Variants in TUBGCP5 observed in about 807,000 individuals in gnomAD.
TUBGCP5 encodes the protein gamma-tubulin complex component 5.
Under a neutral mutation model 134.7 loss-of-function variants are expected in TUBGCP5, and 98 were observed. That is an observed-to-expected ratio of 0.73 (90% CI 0.62 to 0.86). The LOEUF (loss-of-function observed/expected upper bound fraction) is 0.86, where lower values mean the gene tolerates loss of function less well. TUBGCP5 is among the 40% of genes least tolerant of loss of function. TUBGCP5 has a pLI of 0.00. For synonymous variants in TUBGCP5, 456 were observed against 431.4 expected, an observed-to-expected ratio of 1.06 and a Z score of -0.71; for missense variants, 1,150 against 1,244.8, an observed-to-expected ratio of 0.92 and a Z score of 1.15.
At chr15:23,035,173 C>CAA (rs1464484613) in intron 3 of TUBGCP5, among the ~76,000 whole-genome samples, 1 of 151,366 alleles carries the variant, frequency 6.6e-6, no homozygotes, top group African/African-American at 2.4e-5. Context: ...ACTAAAAATA[C>CAA]AAAAAATTAG....
intron 3 of TUBGCP5, among the ~76,000 whole-genome samples, chr15:23,036,218 C>A (rs989573473): frequency 3.3e-5 from 5 of 152,116 alleles, no homozygotes; most frequent in Admixed American, 1.3e-4. Context: ...GACCCACCCC[C>A]AATAAAAATG....
chr15:23,015,856 A>ATT lies in TUBGCP5; in HGVS notation c.1756+1916_1756+1917insAA, dbSNP rs559461370. 3.6e-3 allele frequency among the ~76,000 whole-genome samples: 548 copies of ATT among 152,320 alleles called. 9 individuals are homozygous for ATT. Among genetic ancestry groups the ATT allele is most frequent in the Non-Finnish European group, 5.7e-3 (385 of 68,024 alleles). On this transcript the variant is annotated intron_variant, in intron 13 of 22. Transcript: ENST00000615383. ...AACCCACACTCCAAGACCCATTCAT[A>ATT]TGAATAACTCTTTACAAAACGTACT...
chr15:23,009,695 TAAC>T (rs1470686767), intron 15 of TUBGCP5, among the ~76,000 whole-genome samples: 1 of 152,218 alleles, frequency 6.6e-6, no homozygotes, highest in Non-Finnish European at 1.5e-5. Context: ...TTCATTCTGA[TAAC>T]AAACTTTGTA....
chr15:23,008,267 A>G (rs952810128), intron 16 of TUBGCP5, among the ~76,000 whole-genome samples: 1 of 151,454 alleles, frequency 6.6e-6, no homozygotes, highest in Non-Finnish European at 1.5e-5. Context: ...CCTCTGCCTC[A>G]ATTTTTTCTT....
intron 13 of TUBGCP5, among the ~76,000 whole-genome samples, chr15:23,016,971 T>TAG (rs1028731750): frequency 4.3e-5 from 6 of 138,522 alleles, no homozygotes; most frequent in African/African-American, 8.4e-5. Context: ...AATTGTGAGA[T>TAG]ATATATATAT....
rs545516684 is a variant in TUBGCP5, at chr15:22,988,578, CA to C, written c.*62-4968del. Among the ~76,000 whole-genome samples, 84 of 150,208 alleles carry C rather than the reference CA, an allele frequency of 5.6e-4. 1 individual carries two copies. The South Asian group carries it at 0.013, about 24-fold the overall frequency. On this transcript the variant is annotated intron_variant and NMD_transcript_variant, in intron 23 of 23. Transcript: ENST00000614508. ...GAAACCCCGTCTCTACTAGAAAATA[CA>C]AAAAAAATTAGCCGGGCGTGGTGGT...
In TUBGCP5 at chr15:23,029,840, T is replaced by G. The variant is rs1443645927; in HGVS notation, c.622+1045A>C. 2.0e-5 allele frequency among the ~76,000 whole-genome samples: 3 copies of G among 151,700 alleles called. No individual in the cohort carries two copies. In the South Asian group the frequency reaches 6.2e-4, roughly 31 times the overall value. On this transcript the variant is annotated intron_variant, in intron 6 of 22. Coordinates refer to ENST00000615383, the MANE Select transcript of TUBGCP5 (RefSeq NM_052903.6). ...AGTTTGCAGTGAGGTGAGATCATGC[T>G]ACTGTACCATAGCCTGGGCGACAGA...
Position 23,003,104 on chromosome 15 carries a change from A to G in TUBGCP5, c.2888T>C (p.Met963Thr), listed in dbSNP as rs2064487686. ...GCCTGCCTGCCAACCGTCTGCAAAC[A>G]TGAGAGCCAAGTTCAACACCTTCAT... ...AIMKVLNLAL[M>T]FADGWQAGLG... Residue 963 changes from methionine (M) to threonine (T), a missense_variant, in exon 21 of 23, where the codon ATG becomes ACG. Physicochemically the swap from Met to Thr is moderately conservative, Grantham distance 81 (BLOSUM62 -1). This residue lies in a region of TUBGCP5 where 697 missense variants were observed against 850.1 expected (regional missense o/e 0.82). Coordinates refer to ENST00000615383, the MANE Select transcript of TUBGCP5 (RefSeq NM_052903.6). The G allele has an allele frequency of 1.2e-6, 2 of 1,614,072 alleles. No individual in the cohort carries two copies. Among genetic ancestry groups the G allele is most frequent in the African/African-American group, 2.7e-5 (2 of 74,924 alleles).
chr15:23,016,969 G>GATATATATATGTATATATATATAT (rs2065362204), intron 13 of TUBGCP5, among the ~76,000 whole-genome samples: 1 of 109,396 alleles, frequency 9.1e-6, no homozygotes, highest in African/African-American at 3.6e-5. Flanking sequence ...AAAATTGTGA[G>GATATATATATGTATATATATATAT]ATATATATAT....
At chr15:22,987,895 C>CAAAAAAAAAAA (rs869168765) in intron 23 of TUBGCP5, among the ~76,000 whole-genome samples, 1 of 20,466 alleles carries the variant, frequency 4.9e-5, no homozygotes, top group Non-Finnish European at 9.0e-5. Flanking sequence ...GACTCCATCT[C>CAAAAAAAAAAA]AAAAAAAAAA....
chr15:23,016,475 T>C (rs1403465602), intron 13 of TUBGCP5, among the ~76,000 whole-genome samples: 6 of 139,424 alleles, frequency 4.3e-5, no homozygotes, highest in Admixed American at 3.0e-4. Context: ...GCCTGGGTGA[T>C]GGGAGTAAAA....
Position 23,004,195 on chromosome 15 carries a change from A to T in TUBGCP5, c.2745T>A (p.His915Gln). 6.2e-7 allele frequency: 1 copy of T among 1,613,382 alleles called. No homozygotes were observed. The highest frequency in any genetic ancestry group is 1.3e-5 in the African/African-American group (1 of 74,984). Residue 915 changes from histidine to glutamine, a missense_variant, in exon 20 of 23, where the codon CAT becomes CAA. His to Gln is a conservative substitution (Grantham distance 24). This residue lies in a region of TUBGCP5 where 697 missense variants were observed against 850.1 expected (regional missense o/e 0.82). Transcript: ENST00000615383. The stretch of plus-strand genomic sequence containing the variant: ...CTAAATCCTTGGCTTCCTCGACTTG[A>T]TGTTGAAACTCCAGCCCTGTACTGT... The part of the protein sequence containing the change: ...ILHSTGLEFQ[H>Q]QVEEAKDLDQ...
rs2064240574 is a variant in TUBGCP5, at chr15:22,999,355, T to TA, written c.*464dup. On this transcript the variant is annotated 3_prime_UTR_variant, in exon 23 of 23. Transcript: ENST00000615383. The stretch of plus-strand genomic sequence containing the variant: ...TATGTATACAACTCTATACAGTATC[T>TA]ACTAATCTCCAGAAAACCCACCTAC... The TA allele has an allele frequency of 5.1e-6, 1 of 195,406 alleles. No individual in the cohort carries two copies. The highest frequency in any genetic ancestry group is 1.1e-5 in the Non-Finnish European group (1 of 92,924). The allele number at this position is 195,406 out of a possible 1,614,324, so 12.1% of individuals were successfully genotyped here.
rs771060630 is a variant in TUBGCP5, at chr15:23,019,354, C to A, written c.1372-20G>T. The A allele has an allele frequency of 6.4e-7, 1 of 1,551,116 alleles. No individual in the cohort carries two copies. ...GGAGACCTGAGGCAGAGAGTGTGCA[C>A]GGTCAGCTCTCAGGGTTCCCTGGTC... On this transcript the variant is annotated intron_variant, in intron 11 of 22. Transcript: ENST00000615383.
chr15:23,017,788 G>C lies in TUBGCP5; in HGVS notation c.1741C>G (p.Gln581Glu). 6.2e-7 allele frequency: 1 copy of C among 1,613,404 alleles called. No individual in the cohort carries two copies. Among genetic ancestry groups the C allele is most frequent in the Non-Finnish European group, 8.5e-7 (1 of 1,179,542 alleles). Residue 581 changes from glutamine (Q) to glutamate (E), a missense_variant, in exon 13 of 23, where the codon CAG becomes GAG. This residue lies in a region of TUBGCP5 where 697 missense variants were observed against 850.1 expected (regional missense o/e 0.82). Transcript: ENST00000615383. Reference sequence around the variant, plus strand: ...GAACAAGTACCTCTGGCTCCTGCCTGGCAGGTGGTGCTCTCCGCACACTGC... The same window carrying C: ...GAACAAGTACCTCTGGCTCCTGCCTCGCAGGTGGTGCTCTCCGCACACTGC... ...NLQCAESTTC[Q>E]AGARDAERKS...
At chr15:23,030,308 A>T (rs1259004710) in intron 6 of TUBGCP5, among the ~76,000 whole-genome samples, 4 of 152,134 alleles carry the variant, frequency 2.6e-5, no homozygotes, top group Admixed American at 2.6e-4. Flanking sequence ...ACACAAATAA[A>T]AAAGTCTGTC....
At chr15:23,028,692 C>T (rs1013093622) in intron 6 of TUBGCP5, among the ~76,000 whole-genome samples, 53 of 152,136 alleles carry the variant, frequency 3.5e-4, no homozygotes, top group East Asian at 7.7e-4. Context: ...TCACACTTAA[C>T]GGAGGAGTTT....
chr15:23,010,540 A>G (rs2064974715), intron 14 of TUBGCP5, among the ~76,000 whole-genome samples: 1 of 152,194 alleles, frequency 6.6e-6, no homozygotes. Flanking sequence ...CTTCTGGGTA[A>G]ATGATGACAT....
At chr15:23,029,979 G>T (rs2066215405) in intron 6 of TUBGCP5, among the ~76,000 whole-genome samples, 1 of 152,198 alleles carries the variant, frequency 6.6e-6, no homozygotes, top group African/African-American at 2.4e-5. Context: ...GTAATTGCTT[G>T]AGTCTAGGAG....
Sources: gnomAD v4.1 joint callset for allele counts (sites outside exome capture counted in the v4.1 genomes callset) on GRCh38, gnomAD v4.1.1 for gene constraint, gnomAD v4.1.1 regional missense constraint, MANE v1.5 for transcripts, NCBI Gene and HGNC (gene_info 2026-07-23, HGNC 2026-07-21) for gene names.